ADAMDEC1: variants seen among roughly 807,000 people sequenced by gnomAD.
ADAMDEC1 encodes the protein ADAM DEC1.
In ADAMDEC1, 62 loss-of-function variants were observed where a neutral mutation model predicts 60.4. The ratio of observed to expected loss-of-function variants is 1.03; its 90% CI spans 0.84 to 1.27. ADAMDEC1 has a LOEUF of 1.27. Among genes scored for constraint, ADAMDEC1 ranks in the 50% most tolerant of loss-of-function variants. The probability of loss-of-function intolerance (pLI) is 0.00; values close to 1 mark genes in which losing one functional copy is unlikely to be tolerated. For missense variants in ADAMDEC1, 595 were observed against 565.0 expected, an observed-to-expected ratio of 1.05 and a Z score of -0.54; for synonymous variants, 210 against 195.1, an observed-to-expected ratio of 1.08 and a Z score of -0.64.
intron 13 of ADAMDEC1, among the ~76,000 whole-genome samples, chr8:24,404,500 A>G (rs1817841989): frequency 6.6e-6 from 1 of 152,196 alleles, no homozygotes; most frequent in African/African-American, 2.4e-5. Context: ...ATTTAAGAAC[A>G]TGCTATAAGA....
chr8:24,399,449 C>T lies in ADAMDEC1; in HGVS notation c.986C>T (p.Ser329Phe), dbSNP rs755165741. The change falls in exon 10 of 14, where the codon TCC (serine) becomes TTC (phenylalanine). Residue 329 changes from serine to phenylalanine, a missense_variant. Transcript: ENST00000256412. ...CTGGCAGCTTCAAATTCCTTGTGTT[C>T]CCCATCTTCGGTTGCTGTTATTGAG... is the stretch of plus-strand genomic sequence containing the variant. ...VGLAASNSLC[S>F]PSSVAVIEAK... 2 of 1,613,714 alleles carry T rather than the reference C, an allele frequency of 1.2e-6. No homozygotes were observed. Among genetic ancestry groups the T allele is most frequent in the Non-Finnish European group, 1.7e-6 (2 of 1,179,892 alleles).
chr8:24,398,420 C>T, intron 7 of ADAMDEC1, 60 bp from the exon 8 acceptor site: 1 of 936,716 alleles, frequency 1.1e-6, no homozygotes, highest in Non-Finnish European at 1.7e-6. Flanking sequence ...ATCTTGTATG[C>T]CATCAGCTTT....
rs182143199 is a variant in ADAMDEC1 at position 24,399,168 on chromosome 8, C to T, written c.929+128C>T. 1.3e-3 allele frequency: 1,429 copies of T among 1,114,830 alleles called. 1 individual carries two copies. Among genetic ancestry groups the T allele is most frequent in the Admixed American group, 1.7e-3 (63 of 36,826 alleles). The allele number at this position is 1,114,830 out of a possible 1,614,324, so 69.1% of individuals were successfully genotyped here. On this transcript the variant is annotated intron_variant, in intron 9 of 13. Coordinates refer to ENST00000256412, the MANE Select transcript of ADAMDEC1 (RefSeq NM_014479.3). ...AGAGTGCTTGACATTTTACCACTAG[C>T]AATTCACCTGTGACATTATTGGATC...
Position 24,393,276 on chromosome 8 carries a change from T to G in ADAMDEC1, c.222T>G (p.Pro74=), listed in dbSNP as rs1817497500. The stretch of plus-strand genomic sequence containing the variant: ...AATGTTTTCAGGAAAGGTATGAACC[T>G]GAAGTTCAATATCAGATGATCTTAA... ...EKHGKEERYE[P]EVQYQMILNG... The change falls in exon 3 of 14, where the codon CCT becomes CCG. Residue 74 remains proline (P), a synonymous_variant. Transcript: ENST00000256412. 1.3e-6 allele frequency: 2 copies of G among 1,599,168 alleles called. No homozygotes were observed. Among genetic ancestry groups the G allele is most frequent in the East Asian group, 2.3e-5 (1 of 44,414 alleles).
chr8:24,385,820 C>T (rs183034816), intron 1 of ADAMDEC1, among the ~76,000 whole-genome samples: 2 of 152,182 alleles, frequency 1.3e-5, no homozygotes, highest in African/African-American at 4.8e-5. Context: ...ATTATAATTG[C>T]ATTATTAAAC....
intron 1 of ADAMDEC1, among the ~76,000 whole-genome samples, chr8:24,386,154 C>G (rs1229007776): frequency 6.6e-6 from 1 of 152,098 alleles, no homozygotes; most frequent in South Asian, 2.1e-4. Flanking sequence ...ACATTCCTCC[C>G]TATTACTTTA....
At position 24,397,705 on chromosome 8, in the gene ADAMDEC1, A is replaced by C; in HGVS notation, c.650A>C (p.Gln217Pro). 1 of 1,613,546 alleles carries C rather than the reference A, an allele frequency of 6.2e-7. No homozygotes were observed. Among genetic ancestry groups the C allele is most frequent in the Non-Finnish European group, 8.5e-7 (1 of 1,179,694 alleles). The change falls in exon 7 of 14, where the codon CAG (glutamine) becomes CCG (proline). Residue 217 changes from glutamine (Q) to proline (P), a missense_variant. Transcript: ENST00000256412. ...AAGAAAGAAGACTTTCTTCGGGCAC[A>C]GAAATACATTGATCTCTATTTGGTG... The part of the protein sequence containing the change: ...SPEKEDFLRA[Q>P]KYIDLYLVLD...
In ADAMDEC1 at chr8:24,398,460, T is replaced by G. The variant is rs1325538056; in HGVS notation, c.691-20T>G. On this transcript the variant is annotated intron_variant, in intron 7 of 13. Transcript: ENST00000256412. ...GTGTAATCTGCTATTTCACTATACT[T>G]TGTGTTTTGTATTTTACAGTATAAG... 6.3e-6 allele frequency: 9 copies of G among 1,435,602 alleles called. No individual in the cohort carries two copies. In the South Asian group the frequency reaches 9.6e-5, roughly 15 times the overall value. 88.9% of individuals were successfully genotyped at this position (1,435,602 alleles called of 1,614,324 possible).
intron 7 of ADAMDEC1, 54 bp from the exon 8 acceptor site, chr8:24,398,426 G>C: frequency 9.7e-7 from 1 of 1,031,572 alleles, no homozygotes; most frequent in Non-Finnish European, 1.5e-6. Context: ...TATGCCATCA[G>C]CTTTCTCAGT....
In ADAMDEC1 at chr8:24,399,390, C is replaced by T; in HGVS notation, c.930-3C>T. The T allele has an allele frequency of 6.2e-7, 1 of 1,613,314 alleles. No homozygotes were observed. The highest frequency in any genetic ancestry group is 8.5e-7 in the Non-Finnish European group (1 of 1,179,364). ...ACAGTAGTATCTGTAACTTTTCATACAGCGGGATTAGCTTCAACAATCGAC... is the reference window on the plus strand; with the variant it reads ...ACAGTAGTATCTGTAACTTTTCATATAGCGGGATTAGCTTCAACAATCGAC... On this transcript the variant is annotated splice_polypyrimidine_tract_variant and splice_region_variant and intron_variant, in intron 9 of 13. Transcript: ENST00000256412.
Position 24,404,095 on chromosome 8 carries a change from C to A in ADAMDEC1, c.1406+7C>A. On this transcript the variant is annotated splice_region_variant and intron_variant, in intron 13 of 13. Transcript: ENST00000256412. ...ATGCTCCAAACCATACCACGTAAGACCTTTTGTTTTCTTTGTTCCAAAACG... is the reference window on the plus strand; with the variant it reads ...ATGCTCCAAACCATACCACGTAAGAACTTTTGTTTTCTTTGTTCCAAAACG... 3 of 1,610,974 alleles carry A rather than the reference C, an allele frequency of 1.9e-6. No homozygotes were observed. Among genetic ancestry groups the A allele is most frequent in the South Asian group, 2.2e-5 (2 of 90,256 alleles).
chr8:24,388,104 G>T (rs1180311210), intron 1 of ADAMDEC1: 2 of 152,626 alleles, frequency 1.3e-5, no homozygotes, highest in African/African-American at 4.8e-5. Flanking sequence ...AGATGAGCCT[G>T]TTTAAGATAA....
At chr8:24,399,696 A>G (rs1222620128) in intron 10 of ADAMDEC1, among the ~76,000 whole-genome samples, 1 of 152,144 alleles carries the variant, frequency 6.6e-6, no homozygotes, top group Non-Finnish European at 1.5e-5. Context: ...TCTTTAGTTC[A>G]TGTTAGAAAA....
At chr8:24,395,891 A>G (rs1467531013) in intron 5 of ADAMDEC1, 95 bp downstream of exon 5, 5 of 939,962 alleles carry the variant, frequency 5.3e-6, no homozygotes, top group South Asian at 1.5e-5. Flanking sequence ...ATTTTGGTAA[A>G]TTTTTCATTG....
chr8:24,404,115 A>G, intron 13 of ADAMDEC1, 27 bp downstream of exon 13: 1 of 1,604,364 alleles, frequency 6.2e-7, no homozygotes, highest in Non-Finnish European at 8.5e-7. Flanking sequence ...TCTTTGTTCC[A>G]AAACGTTTTC....
chr8:24,397,589 A>G (rs1817648816), intron 6 of ADAMDEC1, 94 bp from the exon 7 acceptor site: 1 of 1,457,836 alleles, frequency 6.9e-7, no homozygotes, highest in Admixed American at 2.1e-5. Context: ...TTTTCTATTT[A>G]TCTTCTATTT....
In ADAMDEC1 at chr8:24,398,343, A is replaced by G. The variant is rs553829495; in HGVS notation, c.691-137A>G. The G allele has an allele frequency of 6.9e-6, 4 of 575,802 alleles. No homozygotes were observed. The South Asian group carries it at 7.1e-5, about 10-fold the overall frequency. 35.7% of individuals were successfully genotyped at this position (575,802 alleles called of 1,614,324 possible). ...AGAATTTGCCACAATGCAGTCTTAC[A>G]TTATTTAATTATGGAATGAATAGAT... On this transcript the variant is annotated intron_variant, in intron 7 of 13. Coordinates refer to ENST00000256412, the MANE Select transcript of ADAMDEC1 (RefSeq NM_014479.3).
Position 24,385,299 on chromosome 8 carries a change from C to T in ADAMDEC1, c.88+707C>T, listed in dbSNP as rs1817264712. Among the ~76,000 whole-genome samples, 4 of 152,244 alleles carry T rather than the reference C, an allele frequency of 2.6e-5. No individual in the cohort carries two copies. The South Asian group carries it at 8.3e-4, about 32-fold the overall frequency. On this transcript the variant is annotated intron_variant, in intron 1 of 13. Transcript: ENST00000256412. The stretch of plus-strand genomic sequence containing the variant: ...GTACATAGCTGAGGAGTTATCCAAG[C>T]TCCCCACAAAATTCCCACTTGCCTA...
At chr8:24,386,706 C>A (rs1817301940) in intron 1 of ADAMDEC1, among the ~76,000 whole-genome samples, 1 of 152,156 alleles carries the variant, frequency 6.6e-6, no homozygotes, top group African/African-American at 2.4e-5. Context: ...TGGAATCATT[C>A]CCATCAGCAT....
Sources: gnomAD v4.1 joint callset for allele counts (sites outside exome capture counted in the v4.1 genomes callset) on GRCh38, gnomAD v4.1.1 for gene constraint, MANE v1.5 for transcripts, NCBI Gene and HGNC (gene_info 2026-07-23, HGNC 2026-07-21) for gene names.